EPHA6: variants seen among roughly 807,000 people sequenced by gnomAD.
The protein encoded by EPHA6 is ephrin type-A receptor 6.
Under a neutral mutation model 112.0 loss-of-function variants are expected in EPHA6, and 50 were observed. The observed-to-expected ratio is 0.45, with a 90% CI of 0.36 to 0.56. The LOEUF (loss-of-function observed/expected upper bound fraction) is 0.56. Among genes scored for constraint, EPHA6 ranks in the 20% least tolerant of loss-of-function variants. The pLI, the probability that EPHA6 is intolerant of heterozygous loss-of-function variation, is 0.00. For missense variants in EPHA6, 1,280 were observed against 1,417.4 expected (o/e 0.90, Z 1.56); for synonymous variants, 529 against 490.7 (o/e 1.08, Z -1.03).
chr3:97,549,540 T>A (rs921075341), intron 11 of EPHA6, among the ~76,000 whole-genome samples: 1 of 152,138 alleles, frequency 6.6e-6, no homozygotes, highest in East Asian at 1.9e-4. Context: ...AGGGCCTATA[T>A]CAGATGTGAA....
chr3:97,682,115 G>T (rs2107684221), intron 14 of EPHA6, among the ~76,000 whole-genome samples: 1 of 152,120 alleles, frequency 6.6e-6, no homozygotes, highest in Middle Eastern at 3.4e-3. Context: ...CTTAAGAATG[G>T]AAAGCCCATC....
At chr3:97,108,414 ATG>A (rs1156916165) in intron 3 of EPHA6, among the ~76,000 whole-genome samples, 2 of 152,186 alleles carry the variant, frequency 1.3e-5, no homozygotes, top group South Asian at 4.1e-4. Context: ...ACAACACAGA[ATG>A]AGCTGCAGCA....
intron 2 of EPHA6, among the ~76,000 whole-genome samples, chr3:96,943,091 C>A (rs573001816): frequency 1.3e-5 from 2 of 152,274 alleles, no homozygotes; most frequent in East Asian, 3.9e-4. Context: ...TGAGATCATG[C>A]AATATTTGTC....
intron 2 of EPHA6, among the ~76,000 whole-genome samples, chr3:96,938,045 G>T (rs2040702891): frequency 6.6e-6 from 1 of 152,034 alleles, no homozygotes; most frequent in African/African-American, 2.4e-5. Context: ...GTAGTGTGAT[G>T]CCTCCAGCTT....
chr3:96,933,441 A>C (rs2040436133), intron 2 of EPHA6, among the ~76,000 whole-genome samples: 1 of 152,092 alleles, frequency 6.6e-6, no homozygotes, highest in South Asian at 2.1e-4. Flanking sequence ...TAGTTTAACT[A>C]TTTTCATGAT....
chr3:97,444,649 A>T (rs894122262), intron 6 of EPHA6, among the ~76,000 whole-genome samples: 1 of 152,066 alleles, frequency 6.6e-6, no homozygotes, highest in Non-Finnish European at 1.5e-5. Flanking sequence ...AAGACAGGAG[A>T]ACTCTAACCT....
chr3:97,700,943 G>A (rs961841912), intron 14 of EPHA6, among the ~76,000 whole-genome samples: 1 of 152,128 alleles, frequency 6.6e-6, no homozygotes, highest in Non-Finnish European at 1.5e-5. Context: ...GGAAGGAATA[G>A]AATATTAGGC....
chr3:96,869,275 T>C (rs1293423907), intron 2 of EPHA6, among the ~76,000 whole-genome samples: 2 of 151,922 alleles, frequency 1.3e-5, no homozygotes, highest in Non-Finnish European at 2.9e-5. Context: ...AGAATGTGTC[T>C]TCAGGTTGTT....
chr3:97,191,688 A>T (rs2077310998), intron 3 of EPHA6, among the ~76,000 whole-genome samples: 1 of 152,196 alleles, frequency 6.6e-6, no homozygotes, highest in East Asian at 1.9e-4. Context: ...TCCACTGTGT[A>T]TATGTACCAC....
chr3:97,733,269 G>T (rs1204265929), intron 15 of EPHA6, among the ~76,000 whole-genome samples: 1 of 152,010 alleles, frequency 6.6e-6, no homozygotes, highest in African/African-American at 2.4e-5. Context: ...AAGAAGCTGG[G>T]TTTTGGTCAA....
intron 5 of EPHA6, among the ~76,000 whole-genome samples, chr3:97,373,632 G>A (rs1397793622): frequency 6.6e-6 from 1 of 152,144 alleles, no homozygotes; most frequent in Non-Finnish European, 1.5e-5. Flanking sequence ...TTAGGAAGTA[G>A]TGTCAGTAAT....
intron 11 of EPHA6, among the ~76,000 whole-genome samples, chr3:97,583,571 A>G (rs1013660016): frequency 6.6e-6 from 1 of 152,060 alleles, no homozygotes; most frequent in Non-Finnish European, 1.5e-5. Context: ...ACTTTGGTGT[A>G]ACTCTAACAA....
chr3:97,489,182 C>A (rs1043019547), intron 10 of EPHA6, among the ~76,000 whole-genome samples: 2 of 152,184 alleles, frequency 1.3e-5, no homozygotes, highest in Admixed American at 6.5e-5. Context: ...GTTTTGACTG[C>A]TGAGATGAAT....
intron 2 of EPHA6, among the ~76,000 whole-genome samples, chr3:96,927,434 C>G (rs1212220432): frequency 6.6e-6 from 1 of 152,196 alleles, no homozygotes; most frequent in Non-Finnish European, 1.5e-5. Context: ...TTTTTCTTTT[C>G]TATCACATTG....
intron 2 of EPHA6, among the ~76,000 whole-genome samples, chr3:96,962,868 G>A (rs2041994663): frequency 6.6e-6 from 1 of 151,976 alleles, no homozygotes; most frequent in Non-Finnish European, 1.5e-5. Flanking sequence ...AAAGGAGGGA[G>A]CATTTCAGGC....
chr3:97,686,066 A>G (rs2032227478), intron 14 of EPHA6, among the ~76,000 whole-genome samples: 1 of 152,200 alleles, frequency 6.6e-6, no homozygotes, highest in African/African-American at 2.4e-5. Flanking sequence ...AGTGAACAAT[A>G]TAGCTTAAAC....
chr3:97,085,948 T>TATATATAC lies in EPHA6; in HGVS notation c.1114+97956_1114+97957insTATATACA, dbSNP rs984404779. Among the ~76,000 whole-genome samples the TATATATAC allele has an allele frequency of 1.3e-3, 191 of 145,166 alleles. 8 individuals carry two copies. Among genetic ancestry groups the TATATATAC allele is most frequent in the African/African-American group, 4.9e-3 (177 of 36,330 alleles). ...GATGTCATATATATATATATATATA[T>TATATATAC]ACACACTGAGATGGAGTCTCTTGTC... On this transcript the variant is annotated intron_variant, in intron 3 of 17. Coordinates refer to ENST00000389672, the MANE Select transcript of EPHA6 (RefSeq NM_001080448.3).
At chr3:97,689,836 C>T (rs1454217638) in intron 14 of EPHA6, among the ~76,000 whole-genome samples, 1 of 152,144 alleles carries the variant, frequency 6.6e-6, no homozygotes, top group African/African-American at 2.4e-5. Flanking sequence ...TAGGCAACTA[C>T]AAATCTTTCT....
chr3:97,661,666 G>A (rs893522407), intron 14 of EPHA6, among the ~76,000 whole-genome samples: 2 of 152,084 alleles, frequency 1.3e-5, no homozygotes, highest in Non-Finnish European at 2.9e-5. Flanking sequence ...TCTTAAACCA[G>A]ATCATTAAAA....
Sources: allele counts gnomAD v4.1 joint callset (sites outside exome capture counted in the v4.1 genomes callset), GRCh38; gene constraint gnomAD v4.1.1; transcripts MANE v1.5; gene names NCBI Gene and HGNC (gene_info 2026-07-23, HGNC 2026-07-21).